Variants in IP6K2 observed in about 807,000 individuals in gnomAD.
IP6K2 encodes ATP:1D-myo-inositol-hexakisphosphate phosphotransferase.
IP6K2 carries 9 observed loss-of-function variants against 43.3 expected under a neutral mutation model. The ratio of observed to expected loss-of-function variants is 0.21; its 90% CI spans 0.13 to 0.36. The LOEUF (loss-of-function observed/expected upper bound fraction) is 0.36, where lower values mean the gene tolerates loss of function less well. Among genes scored for constraint, IP6K2 ranks in the 10% least tolerant of loss-of-function variants. The pLI is 1.00. For synonymous variants in IP6K2, 209 were observed against 202.4 expected, an observed-to-expected ratio of 1.03 and a Z score of -0.28; for missense variants, 332 against 538.4, an observed-to-expected ratio of 0.62 and a Z score of 3.79.
chr3:48,695,347 A>ACGTCTTCTGTCTGTTGTTTGTC lies in IP6K2; in HGVS notation c.-78_-57dup. ...GAGGCAGCGGAGTCCAGCGGCCAGT[A>ACGTCTTCTGTCTGTTGTTTGTC]CGTCTTCTGTCTGTTGTTTGTCCGT... On this transcript the variant is annotated 5_prime_UTR_variant, in exon 2 of 6. Coordinates refer to ENST00000328631, the MANE Select transcript of IP6K2 (RefSeq NM_016291.4). The surrounding 1 kb of genome is among the most constrained non-coding windows in gnomAD (Gnocchi z 4.6). The ACGTCTTCTGTCTGTTGTTTGTC allele has an allele frequency of 6.4e-7, 1 of 1,553,784 alleles. No homozygotes were observed. The highest frequency in any genetic ancestry group is 8.7e-7 in the Non-Finnish European group (1 of 1,150,680).
At chr3:48,710,404 A>C (rs1283877333) in intron 1 of IP6K2, among the ~76,000 whole-genome samples, 1 of 152,134 alleles carries the variant, frequency 6.6e-6, no homozygotes, top group East Asian at 1.9e-4. Flanking sequence ...AAAAAAGTAA[A>C]AATAAGATTG....
At chr3:48,693,389 TGA>T (rs1205680360) in intron 2 of IP6K2, 8 of 1,195,076 alleles carry the variant, frequency 6.7e-6, no homozygotes, top group African/African-American at 3.0e-5. Context: ...CAAACATGGC[TGA>T]GAGTCTTCCT....
chr3:48,704,490 T>G (rs1361354567), intron 1 of IP6K2, among the ~76,000 whole-genome samples: 1 of 151,964 alleles, frequency 6.6e-6, no homozygotes, highest in Non-Finnish European at 1.5e-5. Flanking sequence ...TTTTTTTTTT[T>G]GAGACAGGGT....
intron 1 of IP6K2, among the ~76,000 whole-genome samples, chr3:48,708,801 G>A (rs2080135005): frequency 6.6e-6 from 1 of 152,154 alleles, no homozygotes; most frequent in Non-Finnish European, 1.5e-5. Flanking sequence ...GGCCCGTGTG[G>A]TGGCTCACAC....
At chr3:48,716,187 G>C (rs572074144) in intron 1 of IP6K2, among the ~76,000 whole-genome samples, 1 of 152,256 alleles carries the variant, frequency 6.6e-6, no homozygotes, top group South Asian at 2.1e-4. Flanking sequence ...TTAAACACTA[G>C]AATTCAACAA....
At chr3:48,713,680 G>A (rs1006502631) in intron 1 of IP6K2, among the ~76,000 whole-genome samples, 16 of 152,056 alleles carry the variant, frequency 1.1e-4, no homozygotes, top group South Asian at 2.1e-4. Flanking sequence ...TTAATTAGCC[G>A]GGCGTGGTGC....
At chr3:48,701,034 T>C (rs1236802185) in intron 1 of IP6K2, among the ~76,000 whole-genome samples, 1 of 152,194 alleles carries the variant, frequency 6.6e-6, no homozygotes, top group Admixed American at 6.5e-5. Flanking sequence ...CATATACTTA[T>C]TATATACATA....
chr3:48,689,204 G>A (rs1298296802), intron 5 of IP6K2, among the ~76,000 whole-genome samples: 1 of 152,204 alleles, frequency 6.6e-6, no homozygotes, highest in Non-Finnish European at 1.5e-5. Flanking sequence ...CCAGGCTGGA[G>A]TGCAATGGCG....
intron 1 of IP6K2, among the ~76,000 whole-genome samples, chr3:48,696,823 C>T (rs564581135): frequency 6.6e-6 from 1 of 152,096 alleles, no homozygotes; most frequent in African/African-American, 2.4e-5. Flanking sequence ...AGGCTCATGA[C>T]AGGAATTTCT....
chr3:48,688,501 A>C lies in IP6K2; in HGVS notation c.1053T>G (p.Asp351Glu). 6.2e-7 allele frequency: 1 copy of C among 1,614,124 alleles called. No individual in the cohort carries two copies. The highest frequency in any genetic ancestry group is 1.1e-5 in the South Asian group (1 of 91,076). Residue 351 changes from aspartate (D) to glutamate (E), a missense_variant, in exon 6 of 6, where the codon GAT becomes GAG. Physicochemically the swap from Asp to Glu is conservative, Grantham distance 45. Transcript: ENST00000328631. The surrounding 1 kb of genome is among the most constrained non-coding windows in gnomAD (Gnocchi z 5.1). The part of the protein sequence containing the change: ...PEVVLDSDAE[D>E]LEDLSEESAD... ...CTGATTCCTCTGACAGGTCCTCCAA[A>C]TCCTCAGCATCTGAGTCCAGGACCA...
intron 4 of IP6K2, among the ~76,000 whole-genome samples, chr3:48,690,522 G>C (rs1453586313): frequency 6.6e-6 from 1 of 152,118 alleles, no homozygotes; most frequent in African/African-American, 2.4e-5. Flanking sequence ...GGGCGTGGTG[G>C]TTCATGCCAG....
At position 48,695,366 on chromosome 3, in the gene IP6K2, T is replaced by C. The variant is rs770304260; in HGVS notation, c.-75A>G. On this transcript the variant is annotated 5_prime_UTR_variant, in exon 2 of 6. Coordinates refer to ENST00000328631, the MANE Select transcript of IP6K2 (RefSeq NM_016291.4). The surrounding 1 kb of genome is among the most constrained non-coding windows in gnomAD (Gnocchi z 4.6). ...GCCAGTACGTCTTCTGTCTGTTGTT[T>C]GTCCGTGTGTCCCTCTCGTCTTGGC... The C allele has an allele frequency of 7.3e-6, 11 of 1,498,338 alleles. No individual in the cohort carries two copies. The allele number at this position is 1,498,338 out of a possible 1,614,324, so 92.8% of individuals were successfully genotyped here.
chr3:48,691,815 T>C (rs2077818053), intron 3 of IP6K2, among the ~76,000 whole-genome samples: 1 of 151,694 alleles, frequency 6.6e-6, no homozygotes. Flanking sequence ...AATAAATAAA[T>C]AAATAAATAA....
intron 1 of IP6K2, among the ~76,000 whole-genome samples, chr3:48,706,907 ATG>A (rs1420350427): frequency 5.3e-5 from 8 of 152,200 alleles, no homozygotes; most frequent in Non-Finnish European, 1.2e-4. Context: ...GCATTTTTAA[ATG>A]TGTAACTTTT....
chr3:48,693,805 T>C lies in IP6K2; in HGVS notation c.203-626A>G, dbSNP rs140480575. On this transcript the variant is annotated intron_variant, in intron 2 of 5. Transcript: ENST00000328631. ...TATGTTTTTATTGGTCTTTGCAGTC[T>C]CACGTCACAAAATAACAAAATGAAC... The C allele has an allele frequency of 1.7e-3, 1,881 of 1,079,546 alleles. 34 individuals carry two copies. The African/African-American group carries it at 0.029, about 17-fold the overall frequency. The allele number at this position is 1,079,546 out of a possible 1,614,324, so 66.9% of individuals were successfully genotyped here. A position where few individuals can be genotyped will look rare whatever the true frequency, so the allele number is the denominator to read the frequency against.
At chr3:48,691,516 T>C (rs778172539) in intron 3 of IP6K2, 34 bp from the exon 4 acceptor site, 1 of 1,533,754 alleles carries the variant, frequency 6.5e-7, no homozygotes, top group Middle Eastern at 1.7e-4. Context: ...AATCAGTATG[T>C]CTTATCAGAA....
At chr3:48,699,603 A>G (rs2078805849) in intron 1 of IP6K2, 1 of 152,202 alleles carries the variant, frequency 6.6e-6, no homozygotes, top group African/African-American at 2.4e-5. Context: ...GTAGAAAGAT[A>G]GGAAAAATCA....
Position 48,688,327 on chromosome 3 carries a change from C to G in IP6K2, c.1227G>C (p.Gly409=). ...TGACAATGTCTATCAGGCTCTGGAG[C>G]CCGAAGATATAGCCAGCATCCTGGC... ...HEGQDAGYIF[G]LQSLIDIVTE... is the part of the protein sequence containing the mutation. Residue 409 remains glycine, a synonymous_variant, in exon 6 of 6, where the codon GGG becomes GGC. Transcript: ENST00000328631. The surrounding 1 kb of genome is among the most constrained non-coding windows in gnomAD (Gnocchi z 5.1). 5 of 1,614,232 alleles carry G rather than the reference C, an allele frequency of 3.1e-6. No individual in the cohort carries two copies. The highest frequency in any genetic ancestry group is 4.2e-6 in the Non-Finnish European group (5 of 1,180,040).
chr3:48,714,407 T>G (rs909515804), intron 1 of IP6K2, among the ~76,000 whole-genome samples: 1 of 151,910 alleles, frequency 6.6e-6, no homozygotes, highest in African/African-American at 2.4e-5. Context: ...GTGTGTGTTT[T>G]TTTGAGATGG....
Sources: gnomAD v4.1 joint callset for allele counts (sites outside exome capture counted in the v4.1 genomes callset) on GRCh38, gnomAD v4.1.1 for gene constraint, Gnocchi (gnomAD v3.1) non-coding constraint, MANE v1.5 for transcripts, NCBI Gene and HGNC (gene_info 2026-07-23, HGNC 2026-07-21) for gene names.